The following PBX1 variants were observed in gnomAD, a reference collection of about 807,000 sequenced individuals.
PBX1 encodes the protein PBX homeobox 1, also known as pre-B-cell leukemia transcription factor 1.
In PBX1, 6 loss-of-function variants were observed where a neutral mutation model predicts 53.4. The observed-to-expected ratio is 0.11, with a 90% CI of 0.06 to 0.22. The LOEUF is 0.22. PBX1 is among the 10% of genes least tolerant of loss of function. PBX1 has a pLI of 1.00. For synonymous variants in PBX1, 204 were observed against 212.3 expected (o/e 0.96, Z 0.34); for missense variants, 251 against 551.4 (o/e 0.46, Z 5.46).
At chr1:164,672,987 A>G (rs7529529) in intron 2 of PBX1, among the ~76,000 whole-genome samples, 1,935 of 152,034 alleles carry the variant, frequency 0.013, 27 homozygotes, top group South Asian at 0.028. Context: ...TAAAGCCACA[A>G]TTGTACTTGA....
At chr1:164,698,536 C>T (rs1002910911) in intron 2 of PBX1, among the ~76,000 whole-genome samples, 1 of 152,008 alleles carries the variant, frequency 6.6e-6, no homozygotes, top group African/African-American at 2.4e-5. Flanking sequence ...ATTTACATCT[C>T]GGCATTCAGG....
chr1:164,647,908 G>A (rs957588546), intron 2 of PBX1, among the ~76,000 whole-genome samples: 19 of 151,252 alleles, frequency 1.3e-4, no homozygotes, highest in African/African-American at 3.7e-4. Flanking sequence ...TCCGCCTCCC[G>A]GGTTCATGCC....
intron 2 of PBX1, among the ~76,000 whole-genome samples, chr1:164,789,289 ATTTTAAAAAGATGGTG>A (rs1224428163): frequency 3.3e-5 from 5 of 152,200 alleles, no homozygotes; most frequent in Non-Finnish European, 7.3e-5. Flanking sequence ...CCCATTGACT[ATTTTAAAAAGATGGTG>A]TTTTAAAAAG....
At chr1:164,707,080 A>G (rs1663462641) in intron 2 of PBX1, among the ~76,000 whole-genome samples, 1 of 152,148 alleles carries the variant, frequency 6.6e-6, no homozygotes, top group South Asian at 2.1e-4. Flanking sequence ...GAGCAGGAAC[A>G]ACATGAAACA....
At chr1:164,638,916 AAG>A (rs1658951721) in intron 2 of PBX1, among the ~76,000 whole-genome samples, 1 of 152,202 alleles carries the variant, frequency 6.6e-6, no homozygotes, top group African/African-American at 2.4e-5. Flanking sequence ...CAGCAAGAAA[AAG>A]GGAGTGTGCA....
rs181290587 is a variant in PBX1 at position 164,742,597 on chromosome 1, C to G, written c.266-49897C>G. On this transcript the variant is annotated intron_variant, in intron 2 of 8. Coordinates refer to ENST00000420696, the MANE Select transcript of PBX1 (RefSeq NM_002585.4). ...GTACAGTAGTAGATCCATTTTAAAC[C>G]AAAAAGTAAGTACATAAATAAAAGA... Among the ~76,000 whole-genome samples the G allele has an allele frequency of 7.9e-5, 12 of 152,122 alleles. No individual in the cohort carries two copies. The East Asian group carries it at 2.3e-3, about 29-fold the overall frequency.
intron 2 of PBX1, among the ~76,000 whole-genome samples, chr1:164,698,411 G>A (rs888502187): frequency 1.3e-5 from 2 of 152,140 alleles, no homozygotes; most frequent in Non-Finnish European, 2.9e-5. Flanking sequence ...TTGTGGGGTT[G>A]AACAGAAGGA....
At chr1:164,803,889 C>T (rs1194256951) in intron 4 of PBX1, among the ~76,000 whole-genome samples, 1 of 152,152 alleles carries the variant, frequency 6.6e-6, no homozygotes, top group East Asian at 1.9e-4. Flanking sequence ...TTTCCCAAGA[C>T]TCAGTTTTCT....
chr1:164,805,010 A>T (rs1191147736), intron 4 of PBX1, among the ~76,000 whole-genome samples: 1 of 152,150 alleles, frequency 6.6e-6, no homozygotes, highest in Non-Finnish European at 1.5e-5. Context: ...GCAGGAGATA[A>T]CAAATTTGAT....
chr1:164,724,441 A>G (rs1664575219), intron 2 of PBX1, among the ~76,000 whole-genome samples: 1 of 152,198 alleles, frequency 6.6e-6, no homozygotes, highest in Non-Finnish European at 1.5e-5. Flanking sequence ...CACATATAAA[A>G]ATACACTAAC....
intron 2 of PBX1, among the ~76,000 whole-genome samples, chr1:164,579,631 G>T (rs541053516): frequency 1.3e-5 from 2 of 152,188 alleles, no homozygotes; most frequent in African/African-American, 4.8e-5. Flanking sequence ...CTGGCTGTCA[G>T]TCGAAGAAGG....
intron 2 of PBX1, among the ~76,000 whole-genome samples, chr1:164,755,774 C>T (rs533861229): frequency 1.3e-5 from 2 of 152,134 alleles, no homozygotes; most frequent in East Asian, 3.9e-4. Context: ...ACCTGCAGTC[C>T]TTTCAATCGC....
At chr1:164,866,903 C>T (rs1479903475) in intron 2 of PBX1, among the ~76,000 whole-genome samples, 1 of 152,144 alleles carries the variant, frequency 6.6e-6, no homozygotes, top group Non-Finnish European at 1.5e-5. Context: ...CCCTATGCCA[C>T]CCAATCTGTG....
At chr1:164,816,445 G>T (rs1399451087) in intron 6 of PBX1, 1 of 152,212 alleles carries the variant, frequency 6.6e-6, no homozygotes, top group Middle Eastern at 3.4e-3. Flanking sequence ...ACAGAAAATG[G>T]CAACTACTTC....
At chr1:164,794,086 G>A (rs565905021) in intron 3 of PBX1, among the ~76,000 whole-genome samples, 2 of 151,896 alleles carry the variant, frequency 1.3e-5, no homozygotes, top group South Asian at 2.1e-4. Flanking sequence ...TGTTGGCCAG[G>A]CTGGTCTTGA....
intron 2 of PBX1, among the ~76,000 whole-genome samples, chr1:164,865,600 C>A (rs889279924): frequency 6.6e-6 from 1 of 152,162 alleles, no homozygotes; most frequent in Admixed American, 6.5e-5. Flanking sequence ...TTATTATATT[C>A]ATTACAAACG....
At position 164,660,777 on chromosome 1, in the gene PBX1, A is replaced by G. The variant is rs148444150; in HGVS notation, c.265+97466A>G. On this transcript the variant is annotated intron_variant, in intron 2 of 8. Transcript: ENST00000420696. Reference sequence around the variant, plus strand: ...AACATAGGATGATTTTTTTTAAAGTATATTATTTCTTCTTCATTTTAACAA... The same window carrying G: ...AACATAGGATGATTTTTTTTAAAGTGTATTATTTCTTCTTCATTTTAACAA... 2.2e-3 allele frequency among the ~76,000 whole-genome samples: 331 copies of G among 152,288 alleles called. 1 individual carries two copies. The highest frequency in any genetic ancestry group is 3.6e-3 in the Non-Finnish European group (246 of 68,016).
chr1:164,580,792 TG>T (rs1654562162), intron 2 of PBX1, among the ~76,000 whole-genome samples: 1 of 152,174 alleles, frequency 6.6e-6, no homozygotes, highest in East Asian at 1.9e-4. Context: ...TTGGCCAGGC[TG>T]GCCTGGAACT....
intron 2 of PBX1, chr1:164,657,411 G>A (rs534875534): frequency 6.6e-6 from 1 of 152,070 alleles, no homozygotes; most frequent in South Asian, 2.1e-4. Context: ...CATTAAAACT[G>A]GGTTAATTGA....
Sources: gnomAD v4.1 joint callset for allele counts (sites outside exome capture counted in the v4.1 genomes callset) on GRCh38, gnomAD v4.1.1 for gene constraint, MANE v1.5 for transcripts, NCBI Gene and HGNC (gene_info 2026-07-23, HGNC 2026-07-21) for gene names.